Variants in N4BP2L2 observed in about 807,000 individuals in gnomAD.
N4BP2L2 encodes the protein NEDD4-binding protein 2-like 2.
A neutral mutation model predicts 56.2 loss-of-function variants in N4BP2L2; 50 were observed. The ratio of observed to expected loss-of-function variants is 0.89; its 90% CI spans 0.71 to 1.13. The LOEUF (loss-of-function observed/expected upper bound fraction) is 1.13. Among genes scored for constraint, N4BP2L2 ranks in the 50% most tolerant of loss-of-function variants. The probability of loss-of-function intolerance (pLI) is 0.00; values close to 1 mark genes in which losing one functional copy is unlikely to be tolerated. For synonymous variants in N4BP2L2, 203 were observed against 223.6 expected (o/e 0.91, Z 0.82); for missense variants, 689 against 693.8 (o/e 0.99, Z 0.08).
chr13:32,536,974 C>T (rs776265444), exon 2 of N4BP2L2: 27 of 1,608,568 alleles, frequency 1.7e-5, no homozygotes, highest in African/African-American at 8.0e-5. Flanking sequence ...GTGGCTCACT[C>T]GTTACTTCTT....
In N4BP2L2 at chr13:32,434,248, C is replaced by CTTTTTTT. The variant is rs369328452; in HGVS notation, c.*22-1283_*22-1277dup. ...TGTGCCACCACATTCAGCTAATTTT[C>CTTTTTTT]TTTTTTTCTTTTTTTTTTTTTTGTA... On this transcript the variant is annotated intron_variant, in intron 9 of 9. Transcript: ENST00000357505. 4.4e-4 allele frequency among the ~76,000 whole-genome samples: 49 copies of CTTTTTTT among 111,994 alleles called. 1 individual carries two copies. Among genetic ancestry groups the CTTTTTTT allele is most frequent in the Non-Finnish European group, 5.8e-4 (33 of 56,974 alleles). The allele number at this position is 111,994 out of a possible 152,430, so 73.5% of individuals were successfully genotyped here.
chr13:32,513,201 A>AG (rs1264270037), exon 6 of N4BP2L2: 2 of 152,226 alleles, frequency 1.3e-5, no homozygotes, highest in East Asian at 3.8e-4. Context: ...CATAATCATT[A>AG]GCTTTTCAAG....
At chr13:32,522,304 CAA>C (rs761851037) in intron 3 of N4BP2L2, 34 bp from the exon 4 acceptor site, 12 of 1,337,864 alleles carry the variant, frequency 9.0e-6, no homozygotes, top group Non-Finnish European at 1.1e-5. Context: ...AATAAAAAAA[CAA>C]ATTAGGTTAA....
chr13:32,433,649 G>A (rs1241077856), intron 9 of N4BP2L2, among the ~76,000 whole-genome samples: 1 of 151,228 alleles, frequency 6.6e-6, no homozygotes, highest in Non-Finnish European at 1.5e-5. Context: ...AAAAAAGGCT[G>A]GGCACGGTGG....
At chr13:32,491,000 CAA>C (rs5802645) in intron 6 of N4BP2L2, among the ~76,000 whole-genome samples, 8 of 145,674 alleles carry the variant, frequency 5.5e-5, no homozygotes, top group Non-Finnish European at 9.0e-5. Context: ...CAGATTAAAG[CAA>C]AAAAAAAAAA....
chr13:32,433,754 G>A (rs1340588870), intron 9 of N4BP2L2, among the ~76,000 whole-genome samples: 5 of 150,630 alleles, frequency 3.3e-5, no homozygotes, highest in African/African-American at 7.3e-5. Flanking sequence ...GTGAAACCCC[G>A]TCTCTACTAA....
intron 6 of N4BP2L2, among the ~76,000 whole-genome samples, chr13:32,481,006 C>A (rs2084556466): frequency 6.7e-6 from 1 of 150,332 alleles, no homozygotes; most frequent in Non-Finnish European, 1.5e-5. Context: ...TTAACCCCAG[C>A]TACTCGGGAG....
intron 6 of N4BP2L2, among the ~76,000 whole-genome samples, chr13:32,482,532 A>AT (rs2084979300): frequency 1.5e-5 from 2 of 136,650 alleles, no homozygotes; most frequent in Non-Finnish European, 3.2e-5. Flanking sequence ...TTTTTTTTGT[A>AT]TTTTTGTATT....
At chr13:32,482,178 T>C (rs1250621831) in intron 6 of N4BP2L2, among the ~76,000 whole-genome samples, 1 of 152,238 alleles carries the variant, frequency 6.6e-6, no homozygotes, top group Admixed American at 6.5e-5. Context: ...AGCCAATGCC[T>C]GATTCATAAT....
At chr13:32,478,155 A>C in intron 6 of N4BP2L2, 1 of 935,050 alleles carries the variant, frequency 1.1e-6, no homozygotes, top group Non-Finnish European at 1.4e-6. Context: ...ATTCAATCTC[A>C]ACGAAGAACT....
At chr13:32,492,376 G>A (rs543916139) in intron 6 of N4BP2L2, among the ~76,000 whole-genome samples, 60 of 136,142 alleles carry the variant, frequency 4.4e-4, no homozygotes, top group East Asian at 9.4e-4. Flanking sequence ...CCCGCCTCCC[G>A]GATTCACGCC....
intron 5 of N4BP2L2, among the ~76,000 whole-genome samples, chr13:32,519,444 T>C (rs976849080): frequency 2.6e-5 from 4 of 152,010 alleles, no homozygotes; most frequent in Admixed American, 2.6e-4. Context: ...TTGCTTGAGG[T>C]CAGGAGCTCA....
chr13:32,538,144 C>A (rs889277144), intron 1 of N4BP2L2, among the ~76,000 whole-genome samples: 8 of 152,026 alleles, frequency 5.3e-5, no homozygotes, highest in Non-Finnish European at 7.4e-5. Flanking sequence ...CTATTCCACC[C>A]AATTCTTCGT....
exon 6 of N4BP2L2, chr13:32,517,988 A>C: frequency 6.2e-7 from 1 of 1,613,372 alleles, no homozygotes; most frequent in Non-Finnish European, 8.5e-7. Flanking sequence ...TTCGAGACAC[A>C]CCATGTTTAT....
intron 5 of N4BP2L2, among the ~76,000 whole-genome samples, chr13:32,520,590 C>T (rs1256842721): frequency 2.7e-5 from 4 of 149,996 alleles, no homozygotes; most frequent in African/African-American, 4.9e-5. Flanking sequence ...ACCTGGGAGG[C>T]GGAGCTTGCA....
At chr13:32,464,897 T>A (rs1488529724) in intron 6 of N4BP2L2, among the ~76,000 whole-genome samples, 1 of 151,922 alleles carries the variant, frequency 6.6e-6, no homozygotes, top group Non-Finnish European at 1.5e-5. Flanking sequence ...AAGATAAAAT[T>A]TCATGTCTGC....
exon 6 of N4BP2L2, chr13:32,517,681 T>C: frequency 1.4e-6 from 2 of 1,428,222 alleles, no homozygotes; most frequent in Non-Finnish European, 1.8e-6. Context: ...AACAACTTGC[T>C]GGGAACATCC....
chr13:32,536,677 A>G, exon 2 of N4BP2L2: 1 of 1,614,086 alleles, frequency 6.2e-7, no homozygotes, highest in East Asian at 2.2e-5. Context: ...TACTTGTGCT[A>G]TATATCTCAT....
At chr13:32,450,334 T>C (rs1168873821) in intron 6 of N4BP2L2, among the ~76,000 whole-genome samples, 2 of 152,042 alleles carry the variant, frequency 1.3e-5, no homozygotes, top group Non-Finnish European at 2.9e-5. Flanking sequence ...AGTGATTTTT[T>C]TTTTTTTTGA....
Sources: gnomAD v4.1 joint callset for allele counts (sites outside exome capture counted in the v4.1 genomes callset) on GRCh38, gnomAD v4.1.1 for gene constraint, MANE v1.5 for transcripts, NCBI Gene and HGNC (gene_info 2026-07-23, HGNC 2026-07-21) for gene names.